The following CYP4F22 variants were observed in gnomAD, a reference collection of about 807,000 sequenced individuals.
CYP4F22 encodes the protein ultra-long-chain fatty acid omega-hydroxylase.
Under a neutral mutation model 60.4 loss-of-function variants are expected in CYP4F22, and 37 were observed. That is an observed-to-expected ratio of 0.61 (90% CI 0.47 to 0.81). The LOEUF is 0.81. CYP4F22 is among the 30% of genes least tolerant of loss of function. The pLI, the probability that CYP4F22 is intolerant of heterozygous loss-of-function variation, is 0.00. For synonymous variants in CYP4F22, 258 were observed against 280.5 expected (o/e 0.92, Z 0.80); for missense variants, 655 against 715.0 (o/e 0.92, Z 0.96).
intron 1 of CYP4F22, chr19:15,515,430 G>A: frequency 8.8e-7 from 1 of 1,132,562 alleles, no homozygotes; most frequent in Non-Finnish European, 1.3e-6. Context: ...ACTTTAAGGT[G>A]TTCAGTGCAG....
Position 15,537,818 on chromosome 19 carries a change from G to A in CYP4F22, c.550-54G>A, listed in dbSNP as rs982261190. The stretch of plus-strand genomic sequence containing the variant: ...GAAAACGCAGTCGGGTCCTTGTTAG[G>A]CTGACTCCCTCTCTGTGGTTTCCAT... On this transcript the variant is annotated intron_variant, in intron 6 of 13. Transcript: ENST00000269703. 3 of 1,611,922 alleles carry A rather than the reference G, an allele frequency of 1.9e-6. No individual in the cohort carries two copies. The African/African-American group carries it at 4.0e-5, about 22-fold the overall frequency.
chr19:15,521,865 C>T (rs530766327), intron 1 of CYP4F22, among the ~76,000 whole-genome samples: 1 of 152,144 alleles, frequency 6.6e-6, no homozygotes, highest in Non-Finnish European at 1.5e-5. Context: ...CCACCAGTGG[C>T]CGGGCGTGGT....
chr19:15,532,673 C>T lies in CYP4F22; in HGVS notation c.367+2820C>T, dbSNP rs183490269. Among the ~76,000 whole-genome samples, 4 of 151,828 alleles carry T rather than the reference C, an allele frequency of 2.6e-5. No homozygotes were observed. The East Asian group carries it at 5.8e-4, about 22-fold the overall frequency. On this transcript the variant is annotated intron_variant, in intron 4 of 13. Coordinates refer to ENST00000269703, the MANE Select transcript of CYP4F22 (RefSeq NM_173483.4). ...CTGGGATTACAGGCGTGAGCTACAG[C>T]GCCTGGTCTCTCTTTTTTCTCCTTC...
chr19:15,551,168 G>A (rs547153651), intron 13 of CYP4F22, 126 bp from the exon 14 acceptor site: 26 of 1,236,186 alleles, frequency 2.1e-5, no homozygotes, highest in African/African-American at 9.0e-5. Context: ...CTCACCCAGC[G>A]TGGGGTTTCA....
chr19:15,520,365 A>C (rs1434057623), intron 1 of CYP4F22, among the ~76,000 whole-genome samples: 1 of 149,466 alleles, frequency 6.7e-6, no homozygotes, highest in East Asian at 2.0e-4. Flanking sequence ...AAAAAAACAA[A>C]AACTAAAAAA....
At chr19:15,512,978 G>A (rs997738458) in intron 1 of CYP4F22, among the ~76,000 whole-genome samples, 3 of 141,836 alleles carry the variant, frequency 2.1e-5, no homozygotes, top group Admixed American at 1.4e-4. Context: ...ATTTTTCCTG[G>A]GTCCTCAAAG....
intron 3 of CYP4F22, among the ~76,000 whole-genome samples, chr19:15,527,629 G>A (rs955226679): frequency 1.3e-5 from 2 of 152,200 alleles, no homozygotes; most frequent in Admixed American, 6.5e-5. Context: ...CTGGGCCCAC[G>A]GGGGCTGGGT....
intron 3 of CYP4F22, among the ~76,000 whole-genome samples, chr19:15,528,414 A>G (rs1294918223): frequency 3.3e-5 from 5 of 152,132 alleles, no homozygotes; most frequent in Admixed American, 1.3e-4. Flanking sequence ...CCAATGACTG[A>G]TGGGCATTGG....
At position 15,551,376 on chromosome 19, in the gene CYP4F22, G is replaced by C; in HGVS notation, c.1501G>C (p.Asp501His). ...ACTGCTACGTTTCCGCCTGAGCGTG[G>C]ACCGAACGCGCAAGGTGCGGCGGAA... ...LTLLRFRLSV[D>H]RTRKVRRKPE... The change falls in exon 14 of 14, where the codon GAC becomes CAC. Residue 501 changes from aspartate to histidine, a missense_variant. Coordinates refer to ENST00000269703, the MANE Select transcript of CYP4F22 (RefSeq NM_173483.4). The C allele has an allele frequency of 6.2e-7, 1 of 1,611,996 alleles. No individual in the cohort carries two copies. The highest frequency in any genetic ancestry group is 8.5e-7 in the Non-Finnish European group (1 of 1,179,068).
intron 4 of CYP4F22, 54 bp downstream of exon 4, chr19:15,529,907 T>C: frequency 6.2e-7 from 1 of 1,610,942 alleles, no homozygotes; most frequent in Non-Finnish European, 8.5e-7. Flanking sequence ...CCAGAGCCTA[T>C]CTGAGATTCT....
rs1269121970 is a variant in CYP4F22, at chr19:15,543,988, A to T, written c.957A>T (p.Glu319Asp). 1.2e-6 allele frequency: 2 copies of T among 1,613,986 alleles called. No homozygotes were observed. Among genetic ancestry groups the T allele is most frequent in the Non-Finnish European group, 1.7e-6 (2 of 1,180,026 alleles). Residue 319 changes from glutamate (E) to aspartate (D), a missense_variant, in exon 9 of 14, where the codon GAA (glutamate) becomes GAT (aspartate). By Grantham distance (45) the Glu-to-Asp change is conservative (BLOSUM62 2). Coordinates refer to ENST00000269703, the MANE Select transcript of CYP4F22 (RefSeq NM_173483.4). ...LLLARDEDGK[E>D]LSDEDIRAEA... ...CATTCCAGGATGAAGATGGAAAGGA[A>T]CTGTCAGACGAGGATATCCGAGCCG... is the stretch of plus-strand genomic sequence containing the variant.
intron 1 of CYP4F22, among the ~76,000 whole-genome samples, chr19:15,513,721 G>A (rs1273630626): frequency 4.6e-5 from 7 of 151,710 alleles, no homozygotes; most frequent in Non-Finnish European, 1.0e-4. Flanking sequence ...GGCTGGTTGC[G>A]AACTCCTGAG....
rs11666601 is a variant in CYP4F22 at position 15,537,904 on chromosome 19, G to A, written c.582G>A (p.Ala194=). 0.11 allele frequency: 176,018 copies of A among 1,613,962 alleles called. 10,055 individuals carry two copies. Among genetic ancestry groups the A allele is most frequent in the Middle Eastern group, 0.13 (792 of 6,008 alleles). ...GGCGGCATCTGGCAGAGGGCTCAGC[G>A]GTCTCCCTTGATATGTTTGAGCATA... ...AKWRHLAEGS[A]VSLDMFEHIS... is the part of the protein sequence containing the mutation. Residue 194 remains alanine (A), a synonymous_variant, in exon 7 of 14, where the codon GCG becomes GCA. Coordinates refer to ENST00000269703, the MANE Select transcript of CYP4F22 (RefSeq NM_173483.4).
chr19:15,543,256 G>A (rs1479224026), intron 8 of CYP4F22, among the ~76,000 whole-genome samples: 3 of 152,174 alleles, frequency 2.0e-5, no homozygotes, highest in Admixed American at 1.3e-4. Flanking sequence ...CTGGGGTGCA[G>A]TGATGCGGTC....
chr19:15,523,049 T>C (rs1465695296), intron 1 of CYP4F22, among the ~76,000 whole-genome samples: 1 of 151,046 alleles, frequency 6.6e-6, no homozygotes, highest in African/African-American at 2.5e-5. Context: ...TGGTTTGGCG[T>C]TGGCTGGCAG....
chr19:15,522,835 C>T (rs1033461835), intron 1 of CYP4F22, among the ~76,000 whole-genome samples: 5 of 152,036 alleles, frequency 3.3e-5, no homozygotes, highest in Admixed American at 6.6e-5. Context: ...CTCAGCCTCC[C>T]GAGTAGCTGG....
In CYP4F22 at chr19:15,545,671, AG is replaced by A. The variant is rs1330390331; in HGVS notation, c.1136+1393del. Among the ~76,000 whole-genome samples, 123 of 41,352 alleles carry A rather than the reference AG, an allele frequency of 3.0e-3. 2 individuals are homozygous for A. The highest frequency in any genetic ancestry group is 9.8e-3 in the African/African-American group (84 of 8,546). The allele number at this position is 41,352 out of a possible 152,430, so 27.1% of individuals were successfully genotyped here. A position where few individuals can be genotyped will look rare whatever the true frequency, so the allele number is the denominator to read the frequency against. On this transcript the variant is annotated intron_variant, in intron 10 of 13. Coordinates refer to ENST00000269703, the MANE Select transcript of CYP4F22 (RefSeq NM_173483.4). ...CTCAAAAAAAAAAAAAAAAAAAAAA[AG>A]AAAAGAAAAGAAAAGAAAAGAAGAA...
chr19:15,550,155 T>C lies in CYP4F22; in HGVS notation c.1336-519T>C, dbSNP rs149690068. Among the ~76,000 whole-genome samples the C allele has an allele frequency of 4.4e-3, 663 of 152,178 alleles. 1 individual carries two copies. The highest frequency in any genetic ancestry group is 7.0e-3 in the Non-Finnish European group (479 of 68,016). ...CATGTTGGCCAGGCTGGTCTTGAAC[T>C]CCTGAGCTCAGATGATCCATCTGCC... On this transcript the variant is annotated intron_variant, in intron 12 of 13. Coordinates refer to ENST00000269703, the MANE Select transcript of CYP4F22 (RefSeq NM_173483.4).
intron 3 of CYP4F22, 128 bp downstream of exon 3, chr19:15,525,686 A>C: frequency 5.7e-6 from 5 of 880,758 alleles, no homozygotes; most frequent in Non-Finnish European, 8.7e-6. Flanking sequence ...GCAGATTTAT[A>C]TGATGGGGTA....
Sources: allele counts gnomAD v4.1 joint callset (sites outside exome capture counted in the v4.1 genomes callset), GRCh38; gene constraint gnomAD v4.1.1; transcripts MANE v1.5; gene names NCBI Gene and HGNC (gene_info 2026-07-23, HGNC 2026-07-21).